Variants in TMEM71 observed in about 807,000 individuals in gnomAD.
The protein encoded by TMEM71 is transmembrane protein 71.
A neutral mutation model predicts 38.0 loss-of-function variants in TMEM71; 44 were observed. The observed-to-expected ratio is 1.16, with a 90% CI of 0.91 to 1.49. The LOEUF is 1.49. Among genes scored for constraint, TMEM71 ranks in the 40% most tolerant of loss-of-function variants. The pLI, the probability that TMEM71 is intolerant of heterozygous loss-of-function variation, is 0.00. For synonymous variants in TMEM71, 133 were observed against 122.5 expected, an observed-to-expected ratio of 1.09 and a Z score of -0.56; for missense variants, 367 against 348.6, an observed-to-expected ratio of 1.05 and a Z score of -0.42.
intron 4 of TMEM71, among the ~76,000 whole-genome samples, chr8:132,748,104 G>A (rs1485808945): frequency 1.3e-5 from 2 of 152,216 alleles, no homozygotes; most frequent in Non-Finnish European, 2.9e-5. Context: ...CTGAACCAAA[G>A]GTAATGCAAG....
intron 4 of TMEM71, among the ~76,000 whole-genome samples, chr8:132,750,572 T>C (rs1828651627): frequency 6.6e-6 from 1 of 152,240 alleles, no homozygotes; most frequent in South Asian, 2.1e-4. Flanking sequence ...TAAACCAACC[T>C]ACTCCACTGA....
chr8:132,747,038 G>A lies in TMEM71; in HGVS notation c.391C>T (p.His131Tyr). 1 of 1,613,720 alleles carries A rather than the reference G, an allele frequency of 6.2e-7. No individual in the cohort carries two copies. The highest frequency in any genetic ancestry group is 1.1e-5 in the South Asian group (1 of 91,034). Residue 131 changes from histidine (H) to tyrosine (Y), a missense_variant, in exon 5 of 10, where the codon CAT becomes TAT. Coordinates refer to ENST00000677595, the MANE Select transcript of TMEM71 (RefSeq NM_001382403.1). ...FNLSTSKSWL[H>Y]GSIFGDINSS... ...TTGATGTCACCAAAGATACTTCCATGCAGCCAAGATTTGGAGGTACTGAGG... is the reference window on the plus strand; with the variant it reads ...TTGATGTCACCAAAGATACTTCCATACAGCCAAGATTTGGAGGTACTGAGG...
chr8:132,721,626 AAC>A (rs1826854139), intron 7 of TMEM71, among the ~76,000 whole-genome samples: 2 of 149,046 alleles, frequency 1.3e-5, no homozygotes, highest in Non-Finnish European at 3.0e-5. Flanking sequence ...AGCTCACTGC[AAC>A]CTCTGCCTCC....
chr8:132,772,720 A>G, the TMEM71 span, among the ~76,000 whole-genome samples: 4 of 152,364 alleles, frequency 2.6e-5, no homozygotes, highest in South Asian at 8.3e-4. Flanking sequence ...TAAAAAATTT[A>G]TGAAAATAAT....
chr8:132,736,505 A>G (rs1405862887), intron 5 of TMEM71, among the ~76,000 whole-genome samples: 1 of 152,116 alleles, frequency 6.6e-6, no homozygotes. Flanking sequence ...TGGTGACTAG[A>G]GTTAATAATA....
At chr8:132,713,653 T>C (rs1237272857) in intron 9 of TMEM71, among the ~76,000 whole-genome samples, 5 of 152,224 alleles carry the variant, frequency 3.3e-5, no homozygotes. Flanking sequence ...CATGGGCAGT[T>C]TGCCAGCTAT....
intron 4 of TMEM71, among the ~76,000 whole-genome samples, chr8:132,749,636 G>T (rs1423130149): frequency 1.3e-5 from 2 of 152,226 alleles, no homozygotes; most frequent in Non-Finnish European, 2.9e-5. Flanking sequence ...TATGATGAAA[G>T]AAAGAGGCTG....
chr8:132,738,461 C>T (rs1482641074), intron 5 of TMEM71, among the ~76,000 whole-genome samples: 1 of 152,192 alleles, frequency 6.6e-6, no homozygotes, highest in African/African-American at 2.4e-5. Context: ...CTTCCTTCCT[C>T]CCTATTTCCT....
In TMEM71 at chr8:132,714,678, T is replaced by A. The variant is rs542299770; in HGVS notation, c.753-463A>T. 2.0e-5 allele frequency among the ~76,000 whole-genome samples: 3 copies of A among 151,836 alleles called. 1 individual carries two copies. In the South Asian group the frequency reaches 6.2e-4, roughly 31 times the overall value. The stretch of plus-strand genomic sequence containing the variant: ...ATGAGTTTTAAAATGCAATACCAAA[T>A]GCACAATCCATGAAAGAAGAGAAAG... On this transcript the variant is annotated intron_variant, in intron 7 of 9. Transcript: ENST00000677595.
intron 4 of TMEM71, among the ~76,000 whole-genome samples, chr8:132,749,112 G>A (rs1445707778): frequency 6.6e-6 from 1 of 152,182 alleles, no homozygotes; most frequent in Non-Finnish European, 1.5e-5. Context: ...AAGGTGAAAT[G>A]AGAAGAAAGA....
At chr8:132,706,819 C>T (rs966589230), downstream of TMEM71, among the ~76,000 whole-genome samples, 3 of 152,088 alleles carry the variant, frequency 2.0e-5, no homozygotes, top group African/African-American at 7.2e-5. Context: ...GAATATCATC[C>T]TTTTCAATCT....
chr8:132,709,350 C>G (rs6987513), downstream of TMEM71, among the ~76,000 whole-genome samples: 16,828 of 152,102 alleles, frequency 0.11, 2,547 homozygotes, highest in African/African-American at 0.35. Flanking sequence ...TGGGACATAT[C>G]CCAGACCTAC....
At chr8:132,731,960 G>C (rs187654730) in intron 5 of TMEM71, among the ~76,000 whole-genome samples, 1 of 152,308 alleles carries the variant, frequency 6.6e-6, no homozygotes, top group Admixed American at 6.5e-5. Context: ...CCCCAAGCCA[G>C]AGGAATTGGG....
chr8:132,711,738 A>G (rs1027119947), intron 9 of TMEM71, among the ~76,000 whole-genome samples: 1 of 152,190 alleles, frequency 6.6e-6, no homozygotes, highest in Non-Finnish European at 1.5e-5. Flanking sequence ...GTTGACTAAG[A>G]ATTTCATTAT....
At chr8:132,729,980 C>T (rs1420860547) in intron 5 of TMEM71, among the ~76,000 whole-genome samples, 4 of 148,180 alleles carry the variant, frequency 2.7e-5, no homozygotes, top group East Asian at 2.0e-4. Context: ...TTTTTTGAGA[C>T]GGAGTTTTGC....
At chr8:132,741,130 T>G (rs1828010019) in intron 5 of TMEM71, among the ~76,000 whole-genome samples, 2 of 152,102 alleles carry the variant, frequency 1.3e-5, no homozygotes, top group South Asian at 2.1e-4. Context: ...TTTGGGAGGC[T>G]GAGGCGGGTG....
the TMEM71 span, among the ~76,000 whole-genome samples, chr8:132,771,330 C>T: frequency 6.6e-6 from 1 of 152,210 alleles, no homozygotes; most frequent in Admixed American, 6.5e-5. Flanking sequence ...TGTTCACTCT[C>T]TTGCTTCATG....
At chr8:132,734,184 A>T (rs1028541404) in intron 5 of TMEM71, among the ~76,000 whole-genome samples, 1 of 152,086 alleles carries the variant, frequency 6.6e-6, no homozygotes, top group African/African-American at 2.4e-5. Flanking sequence ...ACGCATACAC[A>T]TACACACACA....
the TMEM71 span, among the ~76,000 whole-genome samples, chr8:132,773,808 G>A: frequency 7.0e-4 from 107 of 152,262 alleles, no homozygotes; most frequent in Non-Finnish European, 5.1e-4. Flanking sequence ...TTTAGTGGGA[G>A]GTTGATTCTG....
Sources: gnomAD v4.1 joint callset for allele counts (sites outside exome capture counted in the v4.1 genomes callset) on GRCh38, gnomAD v4.1.1 for gene constraint, MANE v1.5 for transcripts, NCBI Gene and HGNC (gene_info 2026-07-23, HGNC 2026-07-21) for gene names.